The following DLGAP1 variants were observed in gnomAD, a reference collection of about 807,000 sequenced individuals.
DLGAP1 encodes the protein DLG associated protein 1, also known as disks large-associated protein 1.
Under a neutral mutation model 90.8 loss-of-function variants are expected in DLGAP1, and 11 were observed. That is an observed-to-expected ratio of 0.12 (90% CI 0.08 to 0.20). The LOEUF (loss-of-function observed/expected upper bound fraction) is 0.20. Among genes scored for constraint, DLGAP1 ranks in the 10% least tolerant of loss-of-function variants. DLGAP1 has a pLI of 1.00. For synonymous variants in DLGAP1, 558 were observed against 540.7 expected (o/e 1.03, Z -0.44); for missense variants, 1,050 against 1,333.8 (o/e 0.79, Z 3.31).
At chr18:3,734,393 C>T (rs2062561357) in intron 6 of DLGAP1, among the ~76,000 whole-genome samples, 1 of 152,136 alleles carries the variant, frequency 6.6e-6, no homozygotes, top group Non-Finnish European at 1.5e-5. Context: ...GCTGGAACAA[C>T]AGGCACGAGC....
intron 5 of DLGAP1, among the ~76,000 whole-genome samples, chr18:3,790,275 T>TC (rs1482085081): frequency 6.2e-5 from 3 of 48,236 alleles, no homozygotes; most frequent in Non-Finnish European, 2.2e-4. Flanking sequence ...TTTTTTTTCT[T>TC]TTTTTTTTTT....
At chr18:4,221,006 T>G (rs2078063836) in intron 1 of DLGAP1, among the ~76,000 whole-genome samples, 1 of 152,174 alleles carries the variant, frequency 6.6e-6, no homozygotes, top group Admixed American at 6.6e-5. Flanking sequence ...TACAGTCATA[T>G]GCTATACAGG....
At chr18:4,005,983 CTG>C (rs2074294123) in intron 2 of DLGAP1, among the ~76,000 whole-genome samples, 1 of 152,166 alleles carries the variant, frequency 6.6e-6, no homozygotes, top group Non-Finnish European at 1.5e-5. Flanking sequence ...GTTCACTCCT[CTG>C]TGTGTCTAGT....
At chr18:4,052,523 A>G (rs1184356920) in intron 2 of DLGAP1, among the ~76,000 whole-genome samples, 2 of 152,034 alleles carry the variant, frequency 1.3e-5, no homozygotes, top group Non-Finnish European at 2.9e-5. Context: ...GGGGCCCTGG[A>G]CCCAGCCTGC....
At chr18:3,501,081 A>G (rs568649757) in intron 12 of DLGAP1, among the ~76,000 whole-genome samples, 1 of 151,988 alleles carries the variant, frequency 6.6e-6, no homozygotes, top group South Asian at 2.1e-4. Context: ...CGCCCAGCTA[A>G]TTTTTGTACT....
chr18:4,321,865 A>C (rs1354997024), intron 1 of DLGAP1, among the ~76,000 whole-genome samples: 1 of 152,156 alleles, frequency 6.6e-6, no homozygotes, highest in African/African-American at 2.4e-5. Flanking sequence ...TCTCAAGCAA[A>C]AAGAACAAAG....
chr18:4,013,483 G>A (rs1414868853), intron 2 of DLGAP1: 2 of 152,216 alleles, frequency 1.3e-5, no homozygotes, highest in Non-Finnish European at 2.9e-5. Context: ...GTGGTTAAAA[G>A]TTTCAAGCAC....
chr18:3,971,316 T>A (rs955017408), intron 3 of DLGAP1, among the ~76,000 whole-genome samples: 1 of 152,220 alleles, frequency 6.6e-6, no homozygotes, highest in Non-Finnish European at 1.5e-5. Flanking sequence ...AGTTTAGAAT[T>A]AAGTCCTCTA....
intron 10 of DLGAP1, among the ~76,000 whole-genome samples, chr18:3,523,581 C>A (rs544996671): frequency 6.6e-6 from 1 of 151,832 alleles, no homozygotes; most frequent in Non-Finnish European, 1.5e-5. Context: ...GGTGCGGTGG[C>A]TCACGCCTGT....
intron 1 of DLGAP1, among the ~76,000 whole-genome samples, chr18:4,398,728 G>T (rs943171397): frequency 6.6e-6 from 1 of 152,198 alleles, no homozygotes; most frequent in Non-Finnish European, 1.5e-5. Flanking sequence ...TACTCTATGT[G>T]TCCATTAAGC....
chr18:4,001,695 C>T (rs531156816), intron 3 of DLGAP1, among the ~76,000 whole-genome samples: 4 of 152,136 alleles, frequency 2.6e-5, no homozygotes, highest in Non-Finnish European at 5.9e-5. Flanking sequence ...ATTTCCTGCT[C>T]AATTTGGATT....
At chr18:4,158,859 G>T (rs1272784812) in intron 1 of DLGAP1, among the ~76,000 whole-genome samples, 1 of 151,982 alleles carries the variant, frequency 6.6e-6, no homozygotes, top group Non-Finnish European at 1.5e-5. Flanking sequence ...TACTTTAGAG[G>T]GATATTAAGG....
chr18:4,404,188 T>C (rs1194444333), intron 1 of DLGAP1, among the ~76,000 whole-genome samples: 12 of 152,208 alleles, frequency 7.9e-5, no homozygotes, highest in Admixed American at 7.9e-4. Flanking sequence ...ACCATATGAG[T>C]ATTTCACTGT....
chr18:3,744,688 C>A (rs994394387), intron 5 of DLGAP1, among the ~76,000 whole-genome samples: 1 of 152,010 alleles, frequency 6.6e-6, no homozygotes, highest in Non-Finnish European at 1.5e-5. Flanking sequence ...CGGAATGACA[C>A]ACGCACGCCA....
intron 5 of DLGAP1, among the ~76,000 whole-genome samples, chr18:3,758,657 G>C (rs916294835): frequency 1.3e-5 from 2 of 152,156 alleles, no homozygotes; most frequent in African/African-American, 4.8e-5. Flanking sequence ...TTAACCTGGA[G>C]ATGTGAAATT....
At chr18:4,414,223 T>G (rs1451284593) in intron 1 of DLGAP1, among the ~76,000 whole-genome samples, 2 of 152,210 alleles carry the variant, frequency 1.3e-5, no homozygotes, top group East Asian at 1.9e-4. Context: ...GAAAATAAGA[T>G]AGAGAGAAAA....
intron 6 of DLGAP1, among the ~76,000 whole-genome samples, chr18:3,731,934 C>G (rs1297843912): frequency 6.6e-6 from 1 of 152,156 alleles, no homozygotes; most frequent in African/African-American, 2.4e-5. Context: ...TCTAATAGTG[C>G]TTAACTAGTA....
At chr18:4,108,231 T>C (rs1318510651) in intron 2 of DLGAP1, among the ~76,000 whole-genome samples, 2 of 152,146 alleles carry the variant, frequency 1.3e-5, no homozygotes, top group Non-Finnish European at 2.9e-5. Flanking sequence ...AAGAAAGGAA[T>C]GTCACACAGA....
chr18:3,862,908 T>C (rs1295932644), intron 4 of DLGAP1, among the ~76,000 whole-genome samples: 3 of 152,256 alleles, frequency 2.0e-5, no homozygotes, highest in Admixed American at 1.3e-4. Context: ...CTGCCCCGCT[T>C]TGGGCACACA....
Sources: gnomAD v4.1 joint callset for allele counts (sites outside exome capture counted in the v4.1 genomes callset) on GRCh38, gnomAD v4.1.1 for gene constraint, MANE v1.5 for transcripts, NCBI Gene and HGNC (gene_info 2026-07-23, HGNC 2026-07-21) for gene names.